Variants in C9orf153 observed in about 807,000 individuals in gnomAD.
C9orf153 encodes chromosome 9 open reading frame 153.
C9orf153 carries 10 observed loss-of-function variants against 9.0 expected under a neutral mutation model. That is an observed-to-expected ratio of 1.11 (90% CI 0.69 to 1.89). The LOEUF is 1.89. Among genes scored for constraint, C9orf153 ranks in the 40% most tolerant of loss-of-function variants. C9orf153 has a pLI of 0.00. For synonymous variants in C9orf153, 35 were observed against 37.3 expected (o/e 0.94, Z 0.23); for missense variants, 108 against 111.0 (o/e 0.97, Z 0.12).
intron 1 of C9orf153, among the ~76,000 whole-genome samples, chr9:86,255,156 T>A (rs1489647892): frequency 6.7e-6 from 1 of 149,880 alleles, no homozygotes; most frequent in Non-Finnish European, 1.5e-5. Context: ...TTGTCCCAAA[T>A]TTTTCCCACT....
rs1825075006 is a variant in C9orf153, at chr9:86,254,751, T to C, written c.-27+4799A>G. ...GGAGAAAATGGTTTAACTGAACTGA[T>C]GTATTTTCAGAACTAAGAGACTTGG... On this transcript the variant is annotated intron_variant, in intron 1 of 3. Coordinates refer to ENST00000339137, the MANE Select transcript of C9orf153 (RefSeq NM_001276366.4). Among the ~76,000 whole-genome samples the C allele has an allele frequency of 2.0e-5, 3 of 152,332 alleles. No homozygotes were observed. The South Asian group carries it at 6.2e-4, about 32-fold the overall frequency.
At chr9:86,235,439 C>T (rs1824560764) in intron 1 of C9orf153, among the ~76,000 whole-genome samples, 1 of 151,984 alleles carries the variant, frequency 6.6e-6, no homozygotes, top group Admixed American at 6.6e-5. Context: ...GATATCTCAA[C>T]AGAACGTTCC....
chr9:86,254,050 C>T lies in C9orf153; in HGVS notation c.-27+5500G>A, dbSNP rs148717242. Among the ~76,000 whole-genome samples the T allele has an allele frequency of 1.0e-3, 153 of 147,190 alleles. 2 individuals are homozygous for T. The East Asian group carries it at 0.02, about 20-fold the overall frequency. Reference sequence around the variant, plus strand: ...AGGTTGCAGTGAGCCGAGATTGCGCCATTGCACTCCAGCCTGGGAGACAGA... The same window carrying T: ...AGGTTGCAGTGAGCCGAGATTGCGCTATTGCACTCCAGCCTGGGAGACAGA... On this transcript the variant is annotated intron_variant, in intron 1 of 3. Coordinates refer to ENST00000339137, the MANE Select transcript of C9orf153 (RefSeq NM_001276366.4).
chr9:86,234,653 C>T (rs1389357708), intron 1 of C9orf153, among the ~76,000 whole-genome samples: 1 of 152,120 alleles, frequency 6.6e-6, no homozygotes, highest in Non-Finnish European at 1.5e-5. Context: ...CTGGCTTAGA[C>T]AATGGTTTCT....
At chr9:86,256,063 T>C (rs569829052) in intron 1 of C9orf153, among the ~76,000 whole-genome samples, 1 of 152,400 alleles carries the variant, frequency 6.6e-6, no homozygotes, top group South Asian at 2.1e-4. Flanking sequence ...GTTGTGATTC[T>C]ACAGCATTCT....
At chr9:86,222,926 G>A (rs760360837) in intron 3 of C9orf153, among the ~76,000 whole-genome samples, 1 of 152,174 alleles carries the variant, frequency 6.6e-6, no homozygotes, top group African/African-American at 2.4e-5. Flanking sequence ...CTCCATCCCT[G>A]TACTGGGAGG....
At chr9:86,245,352 T>G (rs1403621419) in intron 1 of C9orf153, among the ~76,000 whole-genome samples, 1 of 152,202 alleles carries the variant, frequency 6.6e-6, no homozygotes, top group Non-Finnish European at 1.5e-5. Context: ...GTGTAACGCA[T>G]CTCCAGAAGC....
Position 86,222,379 on chromosome 9 carries a change from G to A in C9orf153, c.243-646C>T, listed in dbSNP as rs138095434. On this transcript the variant is annotated intron_variant, in intron 3 of 3. Coordinates refer to ENST00000339137, the MANE Select transcript of C9orf153 (RefSeq NM_001276366.4). ...CAAATGGAGAGCTCTGCAGAGCACC[G>A]AAAGCAGCAGGGAGGAGAAAAGGAT... is the stretch of plus-strand genomic sequence containing the variant. 7.9e-3 allele frequency among the ~76,000 whole-genome samples: 1,198 copies of A among 152,172 alleles called. 7 individuals carry two copies. The highest frequency in any genetic ancestry group is 0.021 in the Middle Eastern group (6 of 292).
chr9:86,248,663 C>A (rs1000033238), intron 1 of C9orf153, among the ~76,000 whole-genome samples: 1 of 152,090 alleles, frequency 6.6e-6, no homozygotes, highest in African/African-American at 2.4e-5. Context: ...GATATTTACA[C>A]CCCCTGCTGG....
Position 86,248,077 on chromosome 9 carries a change from T to C in C9orf153, c.-27+11473A>G, listed in dbSNP as rs78260663. The stretch of plus-strand genomic sequence containing the variant: ...TGGTAGGATTCTCCAGAGATTTCCA[T>C]TTGTCTGCACTGAGGGTAGGGGTTG... On this transcript the variant is annotated intron_variant, in intron 1 of 3. Transcript: ENST00000339137. 5.5e-3 allele frequency among the ~76,000 whole-genome samples: 838 copies of C among 152,312 alleles called. 14 individuals are homozygous for C. The highest frequency in any genetic ancestry group is 0.049 in the East Asian group (253 of 5,178).
chr9:86,244,195 T>C (rs1759871321), intron 1 of C9orf153, among the ~76,000 whole-genome samples: 2 of 152,230 alleles, frequency 1.3e-5, no homozygotes, highest in South Asian at 4.1e-4. Flanking sequence ...AAATAAAATA[T>C]AGCGTTAAAA....
intron 1 of C9orf153, among the ~76,000 whole-genome samples, chr9:86,241,773 C>T (rs1288317673): frequency 6.6e-6 from 1 of 151,970 alleles, no homozygotes; most frequent in African/African-American, 2.4e-5. Context: ...TTACAGGTGC[C>T]CACGACCAGG....
intron 3 of C9orf153, among the ~76,000 whole-genome samples, chr9:86,224,525 G>A (rs999002808): frequency 2.0e-5 from 3 of 149,382 alleles, no homozygotes; most frequent in Admixed American, 6.7e-5. Flanking sequence ...CTAGAAGGAA[G>A]GCTTTTCAAA....
At chr9:86,246,505 C>T (rs1357867250) in intron 1 of C9orf153, among the ~76,000 whole-genome samples, 4 of 152,044 alleles carry the variant, frequency 2.6e-5, no homozygotes, top group Admixed American at 1.3e-4. Flanking sequence ...TGAAGACCCT[C>T]GGGGCCGCAA....
chr9:86,221,700 C>T lies in C9orf153; in HGVS notation c.276G>A (p.Met92Ile), dbSNP rs1321288686. The T allele has an allele frequency of 5.8e-6, 9 of 1,549,336 alleles. No homozygotes were observed. The highest frequency in any genetic ancestry group is 7.0e-6 in the Non-Finnish European group (8 of 1,146,190). The change falls in exon 4 of 4, where the codon ATG (methionine) becomes ATA (isoleucine). Residue 92 changes from methionine to isoleucine, a missense_variant. Physicochemically the swap from Met to Ile is conservative, Grantham distance 10. Coordinates refer to ENST00000339137, the MANE Select transcript of C9orf153 (RefSeq NM_001276366.4). Reference protein sequence around the residue: ...KTIHESKGSGMEIF With the variant: ...KTIHESKGSGIEIF The stretch of plus-strand genomic sequence containing the variant: ...CTTCGCAAGCCCCTTAAAATATCTC[C>T]ATTCCAGATCCCTTAGATTCATGAA...
intron 1 of C9orf153, among the ~76,000 whole-genome samples, chr9:86,242,904 C>T (rs981468693): frequency 6.6e-6 from 1 of 152,208 alleles, no homozygotes; most frequent in African/African-American, 2.4e-5. Context: ...GTCTCGAACT[C>T]CTGACCTCAG....
chr9:86,235,786 A>T (rs1824573595), intron 1 of C9orf153, among the ~76,000 whole-genome samples: 1 of 151,140 alleles, frequency 6.6e-6, no homozygotes. Flanking sequence ...AGAAAGAAAA[A>T]CACTGGAAAA....
At chr9:86,250,428 C>A (rs927694071) in intron 1 of C9orf153, among the ~76,000 whole-genome samples, 4 of 152,102 alleles carry the variant, frequency 2.6e-5, no homozygotes, top group African/African-American at 9.7e-5. Flanking sequence ...AGGCTTCTTC[C>A]ATTCAGCATG....
At chr9:86,250,962 T>C (rs1051192780) in intron 1 of C9orf153, among the ~76,000 whole-genome samples, 4 of 152,198 alleles carry the variant, frequency 2.6e-5, no homozygotes, top group African/African-American at 9.7e-5. Context: ...GATGCAGTCA[T>C]AGCTCATAGC....
Sources: gnomAD v4.1 joint callset for allele counts (sites outside exome capture counted in the v4.1 genomes callset) on GRCh38, gnomAD v4.1.1 for gene constraint, MANE v1.5 for transcripts, NCBI Gene and HGNC (gene_info 2026-07-23, HGNC 2026-07-21) for gene names.